IL15: variants seen among roughly 807,000 people sequenced by gnomAD.
IL15 encodes the protein interleukin-15.
IL15 carries 11 observed loss-of-function variants against 19.6 expected under a neutral mutation model. That is an observed-to-expected ratio of 0.56 (90% CI 0.35 to 0.93). The LOEUF is 0.93. IL15 is among the 40% of genes least tolerant of loss of function. The pLI is 0.01. For missense variants in IL15, 197 were observed against 186.5 expected (o/e 1.06, Z -0.33); for synonymous variants, 58 against 59.6 (o/e 0.97, Z 0.12).
At chr4:141,662,870 A>G (rs1035005848) in intron 2 of IL15, among the ~76,000 whole-genome samples, 1 of 152,186 alleles carries the variant, frequency 6.6e-6, no homozygotes, top group East Asian at 1.9e-4. Flanking sequence ...AAGAAGAATA[A>G]AAACTTCAAA....
At chr4:141,731,693 A>T (rs1730457914) in intron 7 of IL15, among the ~76,000 whole-genome samples, 1 of 152,214 alleles carries the variant, frequency 6.6e-6, no homozygotes, top group South Asian at 2.1e-4. Flanking sequence ...CCTATCTGAC[A>T]TGATTATTTT....
intron 1 of IL15, among the ~76,000 whole-genome samples, chr4:141,654,331 T>C (rs1184198023): frequency 3.3e-5 from 5 of 152,180 alleles, no homozygotes; most frequent in Non-Finnish European, 7.3e-5. Flanking sequence ...CTTTCTTCCA[T>C]TGAAAGCATT....
intron 5 of IL15, among the ~76,000 whole-genome samples, chr4:141,723,179 A>G (rs1730146118): frequency 6.6e-6 from 1 of 152,184 alleles, no homozygotes; most frequent in Non-Finnish European, 1.5e-5. Context: ...AAGACAGAAA[A>G]AGATATAGCA....
At chr4:141,664,755 A>G (rs187477691) in intron 2 of IL15, among the ~76,000 whole-genome samples, 23 of 152,340 alleles carry the variant, frequency 1.5e-4, no homozygotes, top group African/African-American at 5.5e-4. Flanking sequence ...GGTTGCCTAC[A>G]GAGACCAGAG....
chr4:141,724,805 T>C (rs1465652756), intron 5 of IL15, among the ~76,000 whole-genome samples: 1 of 152,128 alleles, frequency 6.6e-6, no homozygotes, highest in Non-Finnish European at 1.5e-5. Context: ...GAATTCATCA[T>C]ACACAAGCTC....
At chr4:141,658,137 T>C (rs1727669463) in intron 2 of IL15, among the ~76,000 whole-genome samples, 1 of 152,154 alleles carries the variant, frequency 6.6e-6, no homozygotes, top group South Asian at 2.1e-4. Flanking sequence ...CTCATGATAG[T>C]GAGTTCTCAC....
intron 2 of IL15, among the ~76,000 whole-genome samples, chr4:141,699,852 T>A (rs1184256972): frequency 6.6e-6 from 1 of 152,200 alleles, no homozygotes. Flanking sequence ...ACTGTTCTAT[T>A]CATCATGTTA....
chr4:141,718,086 A>G (rs1729951420), intron 2 of IL15: 1 of 152,192 alleles, frequency 6.6e-6, no homozygotes, highest in South Asian at 2.1e-4. Context: ...CTGGCTAAGC[A>G]CTTAGTCTTC....
In IL15 at chr4:141,655,182, T is replaced by G. The variant is rs567225834; in HGVS notation, c.-221-1004T>G. 2.8e-4 allele frequency among the ~76,000 whole-genome samples: 43 copies of G among 152,296 alleles called. 1 individual carries two copies. The highest frequency in any genetic ancestry group is 3.4e-3 in the Middle Eastern group (1 of 294). The stretch of plus-strand genomic sequence containing the variant: ...TGGTTGTTATTGATGGAAGCTTGTT[T>G]CCTGGTAGGAGTGGGGAAAGGGCTC... On this transcript the variant is annotated intron_variant, in intron 1 of 7. Transcript: ENST00000320650.
chr4:141,731,627 G>C (rs554508122), intron 7 of IL15, among the ~76,000 whole-genome samples: 1 of 152,266 alleles, frequency 6.6e-6, no homozygotes, highest in East Asian at 1.9e-4. Flanking sequence ...AGAAGACCTG[G>C]ATGGGAAGAA....
At position 141,732,734 on chromosome 4, in the gene IL15, G is replaced by A; in HGVS notation, c.379-4G>A. ...CCAATTTAATCTCTCTCTATATTTT[G>A]CAGAATGTAACAGAATCTGGATGCA... On this transcript the variant is annotated splice_polypyrimidine_tract_variant and splice_region_variant and intron_variant, in intron 7 of 7. Coordinates refer to ENST00000320650, the MANE Select transcript of IL15 (RefSeq NM_000585.5). 6.2e-7 allele frequency: 1 copy of A among 1,605,554 alleles called. No homozygotes were observed. The highest frequency in any genetic ancestry group is 8.5e-7 in the Non-Finnish European group (1 of 1,177,808).
At chr4:141,702,784 G>A (rs1191725654) in intron 2 of IL15, among the ~76,000 whole-genome samples, 1 of 152,188 alleles carries the variant, frequency 6.6e-6, no homozygotes, top group Non-Finnish European at 1.5e-5. Flanking sequence ...AATTATTCTG[G>A]TTTCTTAGGT....
intron 2 of IL15, among the ~76,000 whole-genome samples, chr4:141,670,016 G>A (rs746625258): frequency 1.3e-5 from 2 of 151,428 alleles, no homozygotes; most frequent in South Asian, 4.2e-4. Flanking sequence ...CATTGAAAGT[G>A]TTTTGCCCAG....
intron 2 of IL15, among the ~76,000 whole-genome samples, chr4:141,684,449 C>CT (rs1560917692): frequency 2.0e-5 from 3 of 152,156 alleles, no homozygotes; most frequent in Non-Finnish European, 4.4e-5. Context: ...GCATCACTGT[C>CT]TAAGAATCTA....
Position 141,719,392 on chromosome 4 carries a change from G to A in IL15, c.-73G>A, listed in dbSNP as rs1729996931. The A allele has an allele frequency of 6.8e-6, 5 of 736,602 alleles. No homozygotes were observed. In the East Asian group the frequency reaches 1.0e-4, roughly 15 times the overall value. The allele number at this position is 736,602 out of a possible 1,614,324, so 45.6% of individuals were successfully genotyped here. A position where few individuals can be genotyped will look rare whatever the true frequency, so the allele number is the denominator to read the frequency against. On this transcript the variant is annotated 5_prime_UTR_variant, in exon 3 of 8. The change abolishes an upstream ATG in the 5' untranslated region. Transcript: ENST00000320650. ...TTGTATTGTAGGAGGCATTGTGGAT[G>A]GATGGCTGCTGGAAACCCCTTGCCA...
At chr4:141,666,110 T>TTATTTATTTATC (rs1727968843) in intron 2 of IL15, among the ~76,000 whole-genome samples, 1 of 150,620 alleles carries the variant, frequency 6.6e-6, no homozygotes, top group South Asian at 2.1e-4. Context: ...ATTTATTTAT[T>TTATTTATTTATC]TATTTTTTGA....
chr4:141,657,160 A>C (rs1277867144), intron 2 of IL15, among the ~76,000 whole-genome samples: 1 of 152,210 alleles, frequency 6.6e-6, no homozygotes, highest in Non-Finnish European at 1.5e-5. Context: ...ATTGTAACAC[A>C]ATGATAAGTA....
intron 4 of IL15, 118 bp downstream of exon 4, chr4:141,720,684 ATC>A (rs1730044964): frequency 1.4e-6 from 1 of 702,612 alleles, no homozygotes; most frequent in Non-Finnish European, 2.6e-6. Flanking sequence ...GGTACTCAGT[ATC>A]TGGGGGATAG....
intron 2 of IL15, among the ~76,000 whole-genome samples, chr4:141,658,451 G>T (rs975395810): frequency 6.6e-6 from 1 of 152,062 alleles, no homozygotes; most frequent in Non-Finnish European, 1.5e-5. Context: ...CCACCTCATT[G>T]TATATGCAGT....
Sources: allele counts gnomAD v4.1 joint callset (sites outside exome capture counted in the v4.1 genomes callset), GRCh38; gene constraint gnomAD v4.1.1; transcripts MANE v1.5; gene names NCBI Gene and HGNC (gene_info 2026-07-23, HGNC 2026-07-21).